The following ZAR1L variants were observed in gnomAD, a reference collection of about 807,000 sequenced individuals.
ZAR1L encodes the protein zygote arrest 1 like, also known as protein ZAR1-like.
Under a neutral mutation model 30.0 loss-of-function variants are expected in ZAR1L, and 16 were observed. That is an observed-to-expected ratio of 0.53 (90% CI 0.36 to 0.81). ZAR1L has a LOEUF of 0.81. Ranked by LOEUF, ZAR1L falls within the 30% of genes least tolerant of loss-of-function variation. The pLI, the probability that ZAR1L is intolerant of heterozygous loss-of-function variation, is 0.00. For synonymous variants in ZAR1L, 197 were observed against 166.8 expected (o/e 1.18, Z -1.40); for missense variants, 392 against 417.2 (o/e 0.94, Z 0.53).
chr13:32,304,070 T>A, intron 5 of ZAR1L, 48 bp from the exon 6 acceptor site: 2 of 1,521,920 alleles, frequency 1.3e-6, no homozygotes, highest in Non-Finnish European at 1.8e-6. Flanking sequence ...CAGTTTAGTG[T>A]TTCAAATGTA....
intron 5 of ZAR1L, among the ~76,000 whole-genome samples, chr13:32,305,958 G>T (rs185095314): frequency 1.4e-4 from 22 of 152,294 alleles, no homozygotes; most frequent in Admixed American, 1.2e-3. Context: ...GACTCACAGG[G>T]TATTGAGTTA....
At position 32,310,670 on chromosome 13, in the gene ZAR1L, G is replaced by A; in HGVS notation, c.716C>T (p.Ala239Val). The change falls in exon 4 of 6, where the codon GCT (alanine) becomes GTT (valine). Residue 239 changes from alanine (A) to valine (V), a missense_variant. Ala to Val is a moderately conservative substitution (Grantham distance 64, BLOSUM62 0). Transcript: ENST00000533490. ...CKDCKTRWES[A>V]YVWCISGTNK... ...CGTTCCAGAAATGCACCACACGTAA[G>A]CACTCTCCCACCTGGTCTTACAATC... The A allele has an allele frequency of 6.4e-7, 1 of 1,551,646 alleles. No individual in the cohort carries two copies. The highest frequency in any genetic ancestry group is 2.4e-5 in the East Asian group (1 of 40,914).
rs149512133 is a variant in ZAR1L at position 32,311,659 on chromosome 13, C to T, written c.267G>A (p.Lys89=). 5 of 1,551,426 alleles carry T rather than the reference C, an allele frequency of 3.2e-6. No individual in the cohort carries two copies. Among genetic ancestry groups the T allele is most frequent in the Non-Finnish European group, 4.4e-6 (5 of 1,146,970 alleles). ...GCGGGCTCACCTGCACGCCCACCTC[C>T]TTGGTGTTGGGCTTGCACAGCCGCG... ...LSPRLCKPNT[K]EVGVQVSPRV... The change falls in exon 3 of 6, where the codon AAG becomes AAA. Residue 89 remains lysine, a synonymous_variant. Coordinates refer to ENST00000533490, the MANE Select transcript of ZAR1L (RefSeq NM_001136571.2).
intron 4 of ZAR1L, among the ~76,000 whole-genome samples, chr13:32,310,020 C>T (rs2072201436): frequency 1.3e-5 from 2 of 152,158 alleles, no homozygotes; most frequent in South Asian, 2.1e-4. Context: ...CATCGGGCCA[C>T]GTAGACTGTT....
At chr13:32,314,737 A>G (rs1271352026) in intron 1 of ZAR1L, among the ~76,000 whole-genome samples, 187 bp from the exon 2 acceptor site, 1 of 152,198 alleles carries the variant, frequency 6.6e-6, no homozygotes, top group African/African-American at 2.4e-5. Flanking sequence ...CTGTATTCCC[A>G]GCTACTCGGG....
chr13:32,304,809 C>A (rs534305220), intron 5 of ZAR1L, among the ~76,000 whole-genome samples: 282 of 136,136 alleles, frequency 2.1e-3, no homozygotes, highest in African/African-American at 7.4e-3. Flanking sequence ...CAAGATTTAC[C>A]TTTTTTTTTT....
chr13:32,311,477 T>C lies in ZAR1L; in HGVS notation c.449A>G (p.Asp150Gly), dbSNP rs745811575. 6 of 1,545,978 alleles carry C rather than the reference T, an allele frequency of 3.9e-6. No individual in the cohort carries two copies. In the South Asian group the frequency reaches 7.1e-5, roughly 18 times the overall value. Residue 150 changes from aspartate (D) to glycine (G), a missense_variant, in exon 3 of 6, where the codon GAC becomes GGC. Physicochemically the swap from Asp to Gly is moderately conservative, Grantham distance 94 (BLOSUM62 -1). Coordinates refer to ENST00000533490, the MANE Select transcript of ZAR1L (RefSeq NM_001136571.2). ...CGGGAGCGCCTTGCTCTCCGCTTCG[T>C]CCCCATCTCTCCGCAGGCGGATCAA... The part of the protein sequence containing the change: ...RGLIRLRRDG[D>G]EAESKALPGP...
intron 5 of ZAR1L, 36 bp downstream of exon 5, chr13:32,308,650 A>G: frequency 2.0e-6 from 3 of 1,476,996 alleles, no homozygotes; most frequent in Non-Finnish European, 2.8e-6. Context: ...TTTAGTAATG[A>G]AACATAGACA....
chr13:32,311,221 G>A (rs2072209510), intron 3 of ZAR1L, 51 bp downstream of exon 3: 2 of 1,480,324 alleles, frequency 1.4e-6, no homozygotes, highest in South Asian at 2.7e-5. Flanking sequence ...TGGAAAAGGA[G>A]GGAGGGGATG....
Position 32,310,499 on chromosome 13 carries a change from T to A in ZAR1L, c.747+140A>T, listed in dbSNP as rs2072204482. 4 of 644,766 alleles carry A rather than the reference T, an allele frequency of 6.2e-6. No homozygotes were observed. The South Asian group carries it at 7.9e-5, about 13-fold the overall frequency. The allele number at this position is 644,766 out of a possible 1,614,324, so 39.9% of individuals were successfully genotyped here. On this transcript the variant is annotated intron_variant, in intron 4 of 5. Coordinates refer to ENST00000533490, the MANE Select transcript of ZAR1L (RefSeq NM_001136571.2). Reference sequence around the variant, plus strand: ...CAGTTCCATTCATTCACTGAGCACTTCCTGTACACCTGGCACGGGGGATGC... The same window carrying A: ...CAGTTCCATTCATTCACTGAGCACTACCTGTACACCTGGCACGGGGGATGC...
At chr13:32,307,562 C>T (rs1011893455) in intron 5 of ZAR1L, among the ~76,000 whole-genome samples, 1 of 112,802 alleles carries the variant, frequency 8.9e-6, no homozygotes, top group African/African-American at 3.5e-5. Context: ...ACAAGTCAGA[C>T]AGTCATGTTA....
At chr13:32,309,677 A>T (rs910584119) in intron 4 of ZAR1L, among the ~76,000 whole-genome samples, 2 of 152,226 alleles carry the variant, frequency 1.3e-5, no homozygotes, top group Non-Finnish European at 2.9e-5. Context: ...TACTGCACGT[A>T]TTGCCAAATT....
chr13:32,308,806 C>A lies in ZAR1L; in HGVS notation c.748-46G>T. On this transcript the variant is annotated intron_variant, in intron 4 of 5. Coordinates refer to ENST00000533490, the MANE Select transcript of ZAR1L (RefSeq NM_001136571.2). Reference sequence around the variant, plus strand: ...TTTTAATACAAGCTTTTATACACACCCACACCCTGCAAAGGCTCCCAGTTC... The same window carrying A: ...TTTTAATACAAGCTTTTATACACACACACACCCTGCAAAGGCTCCCAGTTC... The A allele has an allele frequency of 6.1e-6, 8 of 1,308,196 alleles. No homozygotes were observed. The South Asian group carries it at 7.8e-5, about 13-fold the overall frequency. 81.0% of individuals were successfully genotyped at this position (1,308,196 alleles called of 1,614,324 possible).
chr13:32,311,229 A>C, intron 3 of ZAR1L, 43 bp downstream of exon 3: 3 of 1,496,956 alleles, frequency 2.0e-6, no homozygotes, highest in Non-Finnish European at 2.7e-6. Flanking sequence ...GAGGGAGGGG[A>C]TGAGGCTGGT....
intron 5 of ZAR1L, 114 bp downstream of exon 5, chr13:32,308,572 C>T: frequency 2.8e-6 from 2 of 714,004 alleles, no homozygotes; most frequent in Non-Finnish European, 4.6e-6. Context: ...ACATCTCAAA[C>T]ATACAGAACA....
Position 32,311,919 on chromosome 13 carries a change from G to A in ZAR1L, c.7C>T (p.Arg3Cys), listed in dbSNP as rs1199309786. 62 of 1,545,748 alleles carry A rather than the reference G, an allele frequency of 4.0e-5. No individual in the cohort carries two copies. Among genetic ancestry groups the A allele is most frequent in the African/African-American group, 4.1e-5 (3 of 72,940 alleles). The change falls in exon 3 of 6, where the codon CGC (arginine) becomes TGC (cysteine). Residue 3 changes from arginine (R) to cysteine (C), a missense_variant. Transcript: ENST00000533490. The part of the protein sequence containing the change: ME[R>C]FVRVPYGLYQ... ...AAGCCATAGGGAACACGGACAAAGC[G>A]CTCCATCCGCTCTCAGGTGCTCAGG...
In ZAR1L at chr13:32,307,803, TATTA is replaced by T. The variant is rs892940687; in HGVS notation, c.822+879_822+882del. On this transcript the variant is annotated intron_variant, in intron 5 of 5. Coordinates refer to ENST00000533490, the MANE Select transcript of ZAR1L (RefSeq NM_001136571.2). The stretch of plus-strand genomic sequence containing the variant: ...CTAGTTTTCGAAATGTCAATTAATT[TATTA>T]ATTAATTATTTTTGAGATGGAGTCT... Among the ~76,000 whole-genome samples, 35 of 151,976 alleles carry T rather than the reference TATTA, an allele frequency of 2.3e-4. 1 individual carries two copies. The highest frequency in any genetic ancestry group is 1.8e-3 in the Admixed American group (27 of 15,250).
Position 32,312,024 on chromosome 13 carries a change from A to G in ZAR1L, c.-99T>C, listed in dbSNP as rs1328864643. 5.2e-6 allele frequency: 7 copies of G among 1,338,720 alleles called. No homozygotes were observed. The highest frequency in any genetic ancestry group is 7.0e-6 in the Non-Finnish European group (7 of 1,004,754). 82.9% of individuals were successfully genotyped at this position (1,338,720 alleles called of 1,614,324 possible). On this transcript the variant is annotated 5_prime_UTR_variant, in exon 3 of 6. Coordinates refer to ENST00000533490, the MANE Select transcript of ZAR1L (RefSeq NM_001136571.2). ...CATCCGCCCCTTCTTTCTCTTCATCAGGTTGGTTCAGATTCATTCCTGGCT... is the reference window on the plus strand; with the variant it reads ...CATCCGCCCCTTCTTTCTCTTCATCGGGTTGGTTCAGATTCATTCCTGGCT...
chr13:32,311,281 G>A lies in ZAR1L; in HGVS notation c.645C>T (p.Pro215=). Residue 215 remains proline, a synonymous_variant, in exon 3 of 6, where the codon CCC becomes CCT. Coordinates refer to ENST00000533490, the MANE Select transcript of ZAR1L (RefSeq NM_001136571.2). ...GDAASEPLRR[P]NFQFLEPKYG... ...GGAAGAGAGGATCTACCTGGAAGTT[G>A]GGCCTCCGGAGCGGCTCGGAGGCGG... The A allele has an allele frequency of 6.5e-7, 1 of 1,548,400 alleles. No individual in the cohort carries two copies. Among genetic ancestry groups the A allele is most frequent in the Non-Finnish European group, 8.7e-7 (1 of 1,145,556 alleles).
Sources: allele counts gnomAD v4.1 joint callset (sites outside exome capture counted in the v4.1 genomes callset), GRCh38; gene constraint gnomAD v4.1.1; transcripts MANE v1.5; gene names NCBI Gene and HGNC (gene_info 2026-07-23, HGNC 2026-07-21).